DIS3L2: variants seen among roughly 807,000 people sequenced by gnomAD.
DIS3L2 encodes DIS3-like exonuclease 2.
DIS3L2 carries 34 observed loss-of-function variants against 97.5 expected under a neutral mutation model. That is an observed-to-expected ratio of 0.35 (90% CI 0.27 to 0.46). The LOEUF is 0.46. DIS3L2 is among the 20% of genes least tolerant of loss of function. DIS3L2 has a pLI of 1.00. For synonymous variants in DIS3L2, 435 were observed against 445.2 expected (o/e 0.98, Z 0.29); for missense variants, 1,038 against 1,146.0 (o/e 0.91, Z 1.36).
At chr2:232,136,313 T>C (rs1356405967) in intron 7 of DIS3L2, among the ~76,000 whole-genome samples, 159 bp from the exon 8 acceptor site, 1 of 152,206 alleles carries the variant, frequency 6.6e-6, no homozygotes. Context: ...AACTTAAATA[T>C]AGATTACTAA....
intron 16 of DIS3L2, among the ~76,000 whole-genome samples, chr2:232,332,832 C>T (rs1255539841): frequency 6.6e-6 from 1 of 152,090 alleles, no homozygotes; most frequent in Admixed American, 6.5e-5. Context: ...TTCAGCTGGG[C>T]GGGATCAGTG....
intron 6 of DIS3L2, among the ~76,000 whole-genome samples, chr2:232,118,557 A>C (rs1697796358): frequency 6.6e-6 from 1 of 152,130 alleles, no homozygotes; most frequent in African/African-American, 2.4e-5. Flanking sequence ...ACCCCACAAC[A>C]GTCTTGTATT....
intron 6 of DIS3L2, among the ~76,000 whole-genome samples, chr2:232,097,439 T>A (rs145016966): frequency 1.3e-3 from 198 of 152,278 alleles, no homozygotes; most frequent in Non-Finnish European, 2.2e-3. Context: ...GCTGCTGAGC[T>A]GACTTTCAAA....
chr2:232,069,096 C>A (rs183171464), intron 5 of DIS3L2, among the ~76,000 whole-genome samples: 1,707 of 152,184 alleles, frequency 0.011, 19 homozygotes, highest in Non-Finnish European at 0.016. Context: ...GGATTACATG[C>A]GTGAGCCACC....
At chr2:232,190,775 G>A (rs1691599297) in intron 9 of DIS3L2, among the ~76,000 whole-genome samples, 1 of 152,144 alleles carries the variant, frequency 6.6e-6, no homozygotes, top group Non-Finnish European at 1.5e-5. Context: ...ATAATCTGAT[G>A]AGGGAAGAGG....
rs1411023785 is a variant in DIS3L2, at chr2:232,130,600, C to T, written c.602-19C>T. 3.7e-6 allele frequency: 6 copies of T among 1,603,262 alleles called. No individual in the cohort carries two copies. In the South Asian group the frequency reaches 6.8e-5, roughly 18 times the overall value. On this transcript the variant is annotated intron_variant, in intron 6 of 20. Coordinates refer to ENST00000325385, the MANE Select transcript of DIS3L2 (RefSeq NM_152383.5). ...ATCTGGTTGATGACTCCTCTTCTCTCTTTATCTTTTTAATGTAGGAAGAGA... is the reference window on the plus strand; with the variant it reads ...ATCTGGTTGATGACTCCTCTTCTCTTTTTATCTTTTTAATGTAGGAAGAGA...
chr2:232,062,980 G>A (rs1235032467), intron 5 of DIS3L2, among the ~76,000 whole-genome samples: 1 of 151,888 alleles, frequency 6.6e-6, no homozygotes, highest in Non-Finnish European at 1.5e-5. Context: ...CTTTGACAGT[G>A]AGAAACCTGG....
At chr2:232,319,305 G>A (rs1444853418) in intron 14 of DIS3L2, among the ~76,000 whole-genome samples, 3 of 152,252 alleles carry the variant, frequency 2.0e-5, no homozygotes, top group Non-Finnish European at 4.4e-5. Context: ...ATGTCCTGGT[G>A]AAACTAGCAG....
downstream of DIS3L2, among the ~76,000 whole-genome samples, chr2:232,337,966 G>C (rs368016699): frequency 6.6e-6 from 1 of 150,518 alleles, no homozygotes; most frequent in East Asian, 1.9e-4. Context: ...CCACCCCCGA[G>C]ATGTCCCAGA....
chr2:232,190,609 G>A (rs1574935983), intron 9 of DIS3L2, among the ~76,000 whole-genome samples: 1 of 151,990 alleles, frequency 6.6e-6, no homozygotes, highest in Admixed American at 6.5e-5. Context: ...AGGAAGGAAG[G>A]AAGGAAGAAA....
chr2:232,277,252 C>T (rs1017601255), intron 13 of DIS3L2, among the ~76,000 whole-genome samples: 1 of 152,284 alleles, frequency 6.6e-6, no homozygotes, highest in East Asian at 1.9e-4. Flanking sequence ...AGGGATGCAG[C>T]TCTGAACATC....
chr2:232,314,737 T>G (rs560543620), intron 14 of DIS3L2, among the ~76,000 whole-genome samples: 1 of 152,354 alleles, frequency 6.6e-6, no homozygotes, highest in South Asian at 2.1e-4. Flanking sequence ...TTCTTCATGT[T>G]TTTGCGATGG....
At chr2:232,307,177 A>G (rs1336467010) in intron 14 of DIS3L2, among the ~76,000 whole-genome samples, 1 of 152,168 alleles carries the variant, frequency 6.6e-6, no homozygotes, top group African/African-American at 2.4e-5. Flanking sequence ...CACTGGCCTG[A>G]TGCTTTTGAG....
chr2:232,065,757 C>T (rs1695837747), intron 5 of DIS3L2, among the ~76,000 whole-genome samples: 1 of 151,878 alleles, frequency 6.6e-6, no homozygotes, highest in South Asian at 2.1e-4. Flanking sequence ...AATTTGGGGT[C>T]CAAATGGCAT....
At chr2:231,985,516 T>C (rs888603237) in intron 1 of DIS3L2, among the ~76,000 whole-genome samples, 13 of 152,222 alleles carry the variant, frequency 8.5e-5, no homozygotes, top group African/African-American at 2.7e-4. Flanking sequence ...TTGGCTATTA[T>C]GAATAAAGCT....
chr2:232,064,545 TA>T (rs1471566310), intron 5 of DIS3L2, among the ~76,000 whole-genome samples: 3 of 152,308 alleles, frequency 2.0e-5, no homozygotes, highest in Admixed American at 2.0e-4. Context: ...TTCTCTTGGT[TA>T]AGTAGGTACC....
intron 10 of DIS3L2, among the ~76,000 whole-genome samples, chr2:232,234,350 T>A (rs1377890617): frequency 6.6e-6 from 1 of 152,210 alleles, no homozygotes; most frequent in Non-Finnish European, 1.5e-5. Context: ...ATTATTATTG[T>A]TATTATTTTT....
At chr2:232,241,895 C>G (rs1693111862) in intron 11 of DIS3L2, among the ~76,000 whole-genome samples, 1 of 152,200 alleles carries the variant, frequency 6.6e-6, no homozygotes. Context: ...TTGGCCCAAG[C>G]ATTCATGTTA....
At chr2:232,137,264 A>G (rs1389107474) in intron 8 of DIS3L2, among the ~76,000 whole-genome samples, 1 of 152,216 alleles carries the variant, frequency 6.6e-6, no homozygotes, top group African/African-American at 2.4e-5. Context: ...TAACTTAAAT[A>G]TACATGACAT....
Sources: allele counts gnomAD v4.1 joint callset (sites outside exome capture counted in the v4.1 genomes callset), GRCh38; gene constraint gnomAD v4.1.1; transcripts MANE v1.5; gene names NCBI Gene and HGNC (gene_info 2026-07-23, HGNC 2026-07-21).